LRP1B: variants seen among roughly 807,000 people sequenced by gnomAD.
The protein encoded by LRP1B is low-density lipoprotein receptor-related protein 1B.
Under a neutral mutation model 556.6 loss-of-function variants are expected in LRP1B, and 217 were observed. That is an observed-to-expected ratio of 0.39 (90% CI 0.35 to 0.44). LRP1B has a LOEUF of 0.44. Among genes scored for constraint, LRP1B ranks in the 20% least tolerant of loss-of-function variants. The pLI, the probability that LRP1B is intolerant of heterozygous loss-of-function variation, is 1.00. For missense variants in LRP1B, 5,053 were observed against 5,620.8 expected (o/e 0.90, Z 3.23); for synonymous variants, 2,047 against 1,865.8 (o/e 1.10, Z -2.50).
intron 8 of LRP1B, among the ~76,000 whole-genome samples, chr2:141,061,487 G>A (rs991917854): frequency 5.3e-5 from 8 of 151,680 alleles, no homozygotes; most frequent in Non-Finnish European, 1.2e-4. Context: ...TTTGCAAAAC[G>A]TTGTAATTCA....
intron 83 of LRP1B, among the ~76,000 whole-genome samples, chr2:140,308,101 C>T (rs1191898396): frequency 6.6e-6 from 1 of 151,642 alleles, no homozygotes; most frequent in Admixed American, 6.6e-5. Flanking sequence ...TATTGACACC[C>T]ATTTTCTCAA....
At chr2:140,253,359 A>C (rs2104911368) in intron 86 of LRP1B, among the ~76,000 whole-genome samples, 1 of 152,212 alleles carries the variant, frequency 6.6e-6, no homozygotes, top group African/African-American at 2.4e-5. Context: ...AGGAAACGGT[A>C]AAAATTAATG....
At chr2:141,780,564 G>A (rs1251977709) in intron 2 of LRP1B, among the ~76,000 whole-genome samples, 7 of 152,192 alleles carry the variant, frequency 4.6e-5, no homozygotes, top group South Asian at 2.1e-4. Context: ...CTCCCACCAC[G>A]GGCTATTTTA....
At chr2:141,014,960 T>C (rs1697860296) in intron 13 of LRP1B, among the ~76,000 whole-genome samples, 1 of 152,076 alleles carries the variant, frequency 6.6e-6, no homozygotes, top group South Asian at 2.1e-4. Flanking sequence ...AATGTGCAGG[T>C]TTTCTTTCCA....
intron 7 of LRP1B, among the ~76,000 whole-genome samples, chr2:141,173,786 C>A (rs1377180142): frequency 6.6e-6 from 1 of 151,984 alleles, no homozygotes; most frequent in Non-Finnish European, 1.5e-5. Context: ...GTCACTGAAG[C>A]ACCAACTCAA....
intron 6 of LRP1B, among the ~76,000 whole-genome samples, chr2:141,216,733 G>A (rs539955433): frequency 6.6e-6 from 1 of 152,282 alleles, no homozygotes; most frequent in Admixed American, 6.5e-5. Context: ...GATTATTTTA[G>A]AGCTTTAATA....
intron 2 of LRP1B, among the ~76,000 whole-genome samples, chr2:141,752,865 GC>G (rs1694165888): frequency 7.0e-6 from 1 of 141,966 alleles, no homozygotes; most frequent in Admixed American, 7.4e-5. Context: ...GATCACTTGA[GC>G]CCGGGAGGTT....
At chr2:140,449,713 T>C (rs1452111595) in intron 63 of LRP1B, among the ~76,000 whole-genome samples, 1 of 152,142 alleles carries the variant, frequency 6.6e-6, no homozygotes, top group Non-Finnish European at 1.5e-5. Flanking sequence ...AAAAAAGCTT[T>C]ATAATAAGGT....
At chr2:141,258,819 C>CT (rs1445000659) in intron 3 of LRP1B, among the ~76,000 whole-genome samples, 2 of 152,150 alleles carry the variant, frequency 1.3e-5, no homozygotes, top group African/African-American at 4.8e-5. Flanking sequence ...GACGTGCCTC[C>CT]TTTCTTTTTG....
chr2:141,955,077 A>C (rs1701210503), intron 1 of LRP1B, among the ~76,000 whole-genome samples: 1 of 152,166 alleles, frequency 6.6e-6, no homozygotes, highest in Admixed American at 6.6e-5. Context: ...TGCAACTAAC[A>C]CAGCCATCTG....
rs1262501989 is a variant in LRP1B at position 140,868,263 on chromosome 2, T to A, written c.4170A>T (p.Gly1390=). 7.5e-6 allele frequency: 11 copies of A among 1,462,052 alleles called. No individual in the cohort carries two copies. The highest frequency in any genetic ancestry group is 2.4e-5 in the Admixed American group (1 of 40,934). 90.6% of individuals were successfully genotyped at this position (1,462,052 alleles called of 1,614,324 possible). A position where few individuals can be genotyped will look rare whatever the true frequency, so the allele number is the denominator to read the frequency against. ...CATCCCAGTCTGTCCAGAAAAGAATTCTAAAAAAAAAAAAAAAAAAAGAAA... is the reference window on the plus strand; with the variant it reads ...CATCCCAGTCTGTCCAGAAAAGAATACTAAAAAAAAAAAAAAAAAAAGAAA... The part of the protein sequence containing the change: ...PRAIALDPRY[G]ILFWTDWDAN... Residue 1390 remains glycine, a splice_region_variant and synonymous_variant, in exon 26 of 91, where the codon GGA becomes GGT. Coordinates refer to ENST00000389484, the MANE Select transcript of LRP1B (RefSeq NM_018557.3).
chr2:140,632,775 A>G (rs1471516564), intron 41 of LRP1B, among the ~76,000 whole-genome samples: 1 of 152,108 alleles, frequency 6.6e-6, no homozygotes, highest in Non-Finnish European at 1.5e-5. Flanking sequence ...CAAGAACCCC[A>G]CATTAGGCCG....
intron 60 of LRP1B, among the ~76,000 whole-genome samples, chr2:140,468,594 G>A (rs1687640950): frequency 6.6e-6 from 1 of 152,212 alleles, no homozygotes; most frequent in African/African-American, 2.4e-5. Context: ...CCTATGAGAG[G>A]TGGAAAATGG....
intron 2 of LRP1B, among the ~76,000 whole-genome samples, chr2:141,738,768 G>A (rs1693588352): frequency 1.3e-5 from 2 of 152,206 alleles, no homozygotes; most frequent in South Asian, 4.1e-4. Flanking sequence ...GGCTACAGCT[G>A]TAAAGATGTC....
At chr2:141,211,940 A>C (rs1403539366) in intron 6 of LRP1B, among the ~76,000 whole-genome samples, 1 of 152,142 alleles carries the variant, frequency 6.6e-6, no homozygotes, top group African/African-American at 2.4e-5. Context: ...CTTCACAGCC[A>C]CATGCACACA....
At chr2:142,059,295 T>C (rs1704804970) in intron 1 of LRP1B, among the ~76,000 whole-genome samples, 1 of 152,096 alleles carries the variant, frequency 6.6e-6, no homozygotes, top group Admixed American at 6.6e-5. Context: ...TTTTTTGGTA[T>C]GGAAATTATA....
chr2:140,578,431 A>C (rs1039442105), intron 43 of LRP1B, among the ~76,000 whole-genome samples: 2 of 152,206 alleles, frequency 1.3e-5, no homozygotes, highest in African/African-American at 4.8e-5. Flanking sequence ...GAATAAGAAA[A>C]TAAATTCTTT....
intron 41 of LRP1B, among the ~76,000 whole-genome samples, chr2:140,697,923 T>C (rs1686487748): frequency 6.6e-6 from 1 of 152,092 alleles, no homozygotes; most frequent in African/African-American, 2.4e-5. Context: ...GGGTAAAATC[T>C]CAAATGTTAT....
chr2:141,513,900 C>T (rs1478718734), intron 2 of LRP1B, among the ~76,000 whole-genome samples: 1 of 152,102 alleles, frequency 6.6e-6, no homozygotes, highest in Non-Finnish European at 1.5e-5. Flanking sequence ...AAAAAATGGT[C>T]ATCAGTTGTT....
Sources: allele counts gnomAD v4.1 joint callset (sites outside exome capture counted in the v4.1 genomes callset), GRCh38; gene constraint gnomAD v4.1.1; transcripts MANE v1.5; gene names NCBI Gene and HGNC (gene_info 2026-07-23, HGNC 2026-07-21).